Variants in CSMD1 observed in about 807,000 individuals in gnomAD.
CSMD1 encodes the protein CUB and Sushi multiple domains 1.
CSMD1 carries 213 observed loss-of-function variants against 417.5 expected under a neutral mutation model. The ratio of observed to expected loss-of-function variants is 0.51; its 90% CI spans 0.46 to 0.57. The LOEUF is 0.57. CSMD1 is among the 20% of genes least tolerant of loss of function. The pLI is 0.00. For missense variants in CSMD1, 6,923 were observed against 4,529.7 expected (o/e 1.53, Z -15.17); for synonymous variants, 2,862 against 1,736.8 (o/e 1.65, Z -16.11).
intron 2 of CSMD1, among the ~76,000 whole-genome samples, chr8:4,455,166 T>C (rs1799392081): frequency 6.6e-6 from 1 of 152,120 alleles, no homozygotes; most frequent in Non-Finnish European, 1.5e-5. Context: ...GAAAATGGTA[T>C]TTCAGAATTA....
intron 3 of CSMD1, among the ~76,000 whole-genome samples, chr8:4,338,032 T>G (rs1039726818): frequency 2.6e-5 from 4 of 152,180 alleles, no homozygotes; most frequent in Admixed American, 2.0e-4. Flanking sequence ...TGCAAAGATT[T>G]ATTCCAAGAA....
chr8:3,842,162 C>G (rs1372412255), intron 5 of CSMD1, among the ~76,000 whole-genome samples: 3 of 152,176 alleles, frequency 2.0e-5, no homozygotes, highest in Non-Finnish European at 2.9e-5. Flanking sequence ...CTCAGGTTTT[C>G]TTAAAAACTC....
chr8:4,146,516 G>T (rs1804137030), intron 3 of CSMD1, among the ~76,000 whole-genome samples: 1 of 145,692 alleles, frequency 6.9e-6, no homozygotes, highest in Non-Finnish European at 1.5e-5. Context: ...TGTGCACAGT[G>T]TGTGTTCTCT....
chr8:3,421,002 T>C (rs1813453703), intron 12 of CSMD1, among the ~76,000 whole-genome samples: 2 of 152,168 alleles, frequency 1.3e-5, no homozygotes, highest in Admixed American at 6.6e-5. Context: ...CTGTAGATTA[T>C]TAAAAAAAAG....
At chr8:3,298,474 G>C (rs112701452) in intron 25 of CSMD1, among the ~76,000 whole-genome samples, 103 of 152,148 alleles carry the variant, frequency 6.8e-4, no homozygotes, top group African/African-American at 2.4e-3. Flanking sequence ...CTCTTTTTTA[G>C]ACAGAGTCTT....
At chr8:4,446,857 G>A (rs565949796) in intron 2 of CSMD1, among the ~76,000 whole-genome samples, 1 of 151,256 alleles carries the variant, frequency 6.6e-6, no homozygotes, top group African/African-American at 2.4e-5. Flanking sequence ...TCCTGACCTT[G>A]TGATCCACCC....
intron 10 of CSMD1, among the ~76,000 whole-genome samples, chr8:3,508,669 C>G (rs549624234): frequency 3.9e-5 from 6 of 152,004 alleles, no homozygotes; most frequent in Non-Finnish European, 7.4e-5. Flanking sequence ...ATTGTACTTC[C>G]AGCTTATCTA....
chr8:3,618,503 C>G (rs1322458385), intron 7 of CSMD1, among the ~76,000 whole-genome samples: 1 of 151,454 alleles, frequency 6.6e-6, no homozygotes, highest in Non-Finnish European at 1.5e-5. Flanking sequence ...CATTATTTTG[C>G]TGCATGATGT....
intron 37 of CSMD1, among the ~76,000 whole-genome samples, chr8:3,174,044 C>T (rs1207309696): frequency 6.6e-6 from 1 of 152,164 alleles, no homozygotes; most frequent in African/African-American, 2.4e-5. Context: ...GGAGCTCATA[C>T]ATCAGTGAAA....
chr8:4,541,120 G>T (rs1797364186), intron 2 of CSMD1, among the ~76,000 whole-genome samples: 1 of 152,146 alleles, frequency 6.6e-6, no homozygotes, highest in South Asian at 2.1e-4. Context: ...AGAATTATGA[G>T]AACTGATTTT....
chr8:3,978,194 T>C (rs1439493598), intron 5 of CSMD1, among the ~76,000 whole-genome samples: 2 of 152,146 alleles, frequency 1.3e-5, no homozygotes, highest in African/African-American at 4.8e-5. Context: ...CTCCTGTTAT[T>C]ACCAATGAGG....
chr8:2,966,801 G>A, intron 57 of CSMD1, 55 bp from the exon 58 acceptor site: 1 of 1,560,846 alleles, frequency 6.4e-7, no homozygotes, highest in Non-Finnish European at 8.7e-7. Flanking sequence ...GCATGAAAAT[G>A]GCAAACACAA....
At chr8:3,742,152 C>T (rs1182941152) in intron 6 of CSMD1, among the ~76,000 whole-genome samples, 4 of 152,244 alleles carry the variant, frequency 2.6e-5, no homozygotes, top group East Asian at 1.9e-4. Flanking sequence ...TCACTTCTAT[C>T]GCCTTTCTGT....
intron 1 of CSMD1, among the ~76,000 whole-genome samples, chr8:4,895,501 A>G (rs896577819): frequency 2.0e-5 from 3 of 152,132 alleles, no homozygotes; most frequent in African/African-American, 4.8e-5. Flanking sequence ...TTCTTTCTTA[A>G]TTCACAGTCT....
At chr8:3,865,472 G>A (rs1805022334) in intron 5 of CSMD1, among the ~76,000 whole-genome samples, 1 of 152,074 alleles carries the variant, frequency 6.6e-6, no homozygotes, top group African/African-American at 2.4e-5. Flanking sequence ...TTCAGAGATG[G>A]GAGGTGCTCT....
At chr8:4,112,685 TTA>T (rs1469672957) in intron 3 of CSMD1, among the ~76,000 whole-genome samples, 2 of 152,120 alleles carry the variant, frequency 1.3e-5, no homozygotes, top group Non-Finnish European at 1.5e-5. Context: ...GCCCCTATAT[TTA>T]TATATGAGGG....
intron 1 of CSMD1, among the ~76,000 whole-genome samples, chr8:4,801,705 C>T (rs540572963): frequency 1.3e-5 from 2 of 151,800 alleles, no homozygotes; most frequent in Admixed American, 6.6e-5. Context: ...ACAAGGCAGC[C>T]TAAACTACCC....
At chr8:4,497,820 A>G (rs1802054064) in intron 2 of CSMD1, among the ~76,000 whole-genome samples, 1 of 152,218 alleles carries the variant, frequency 6.6e-6, no homozygotes, top group South Asian at 2.1e-4. Context: ...ACAGCTGTCC[A>G]GAATCAACGG....
rs1006537892 is a variant in CSMD1, at chr8:4,780,431, G to A, written c.86-142873C>T. On this transcript the variant is annotated intron_variant, in intron 1 of 69. Coordinates refer to ENST00000635120, the MANE Select transcript of CSMD1 (RefSeq NM_033225.6). ...GATCAGTCGATCTGTCTGTCTGTCT[G>A]TCTGTCTACCTACCTACCTACCTAT... Among the ~76,000 whole-genome samples, 6 of 152,108 alleles carry A rather than the reference G, an allele frequency of 3.9e-5. No homozygotes were observed. In the East Asian group the frequency reaches 5.8e-4, roughly 15 times the overall value.
Sources: gnomAD v4.1 joint callset for allele counts (sites outside exome capture counted in the v4.1 genomes callset) on GRCh38, gnomAD v4.1.1 for gene constraint, MANE v1.5 for transcripts, NCBI Gene and HGNC (gene_info 2026-07-23, HGNC 2026-07-21) for gene names.